Variants in STON2 observed in about 807,000 individuals in gnomAD.
STON2 encodes the protein stonin-2.
STON2 carries 29 observed loss-of-function variants against 65.7 expected under a neutral mutation model. The ratio of observed to expected loss-of-function variants is 0.44; its 90% CI spans 0.33 to 0.60. The LOEUF is 0.60. Among genes scored for constraint, STON2 ranks in the 20% least tolerant of loss-of-function variants. STON2 has a pLI of 0.03. For synonymous variants in STON2, 404 were observed against 414.2 expected (o/e 0.98, Z 0.30); for missense variants, 1,054 against 1,118.1 (o/e 0.94, Z 0.82).
At chr14:81,349,037 C>T (rs1371658118) in intron 4 of STON2, among the ~76,000 whole-genome samples, 5 of 152,074 alleles carry the variant, frequency 3.3e-5, no homozygotes, top group Non-Finnish European at 7.4e-5. Context: ...TGGATATCTA[C>T]ATGCAGAACA....
chr14:81,369,461 A>G (rs751728645), intron 4 of STON2, among the ~76,000 whole-genome samples: 1 of 152,198 alleles, frequency 6.6e-6, no homozygotes, highest in Admixed American at 6.5e-5. Flanking sequence ...AAACAGCCTC[A>G]GCATAGAAAT....
chr14:81,401,358 G>A, upstream of STON2, among the ~76,000 whole-genome samples: 1 of 152,148 alleles, frequency 6.6e-6, no homozygotes. Flanking sequence ...GACATGGGCT[G>A]GTGACAGACA....
intron 5 of STON2, among the ~76,000 whole-genome samples, chr14:81,293,909 GT>G (rs1479848727): frequency 1.3e-5 from 2 of 152,164 alleles, no homozygotes; most frequent in Non-Finnish European, 2.9e-5. Context: ...CAAATGGTGG[GT>G]TTTTTTCTTC....
In STON2 at chr14:81,276,859, CA is replaced by C. The variant is rs762363323; in HGVS notation, c.2581+41del. ...TGGAACTTTGATCTCAGCTTTTTCACAACTGTATGTTTGTTTTCACAGAAGA... is the reference window on the plus strand; with the variant it reads ...TGGAACTTTGATCTCAGCTTTTTCACACTGTATGTTTGTTTTCACAGAAGA... On this transcript the variant is annotated intron_variant, in intron 6 of 7. Transcript: ENST00000614646. 10 of 1,569,054 alleles carry C rather than the reference CA, an allele frequency of 6.4e-6. No homozygotes were observed. In the South Asian group the frequency reaches 1.2e-4, roughly 19 times the overall value.
chr14:81,345,737 G>A lies in STON2; in HGVS notation c.572-21550C>T, dbSNP rs142894267. On this transcript the variant is annotated intron_variant, in intron 4 of 7. Coordinates refer to ENST00000614646, the MANE Select transcript of STON2 (RefSeq NM_001394390.1). Reference sequence around the variant, plus strand: ...GATCATGCTGCTGCACTCTAGCCTGGGCGACAGAGCCAGACTTTGTCTCAA... The same window carrying A: ...GATCATGCTGCTGCACTCTAGCCTGAGCGACAGAGCCAGACTTTGTCTCAA... Among the ~76,000 whole-genome samples, 1,024 of 152,206 alleles carry A rather than the reference G, an allele frequency of 6.7e-3. 10 individuals carry two copies. The highest frequency in any genetic ancestry group is 0.023 in the African/African-American group (956 of 41,524).
At chr14:81,377,935 C>T (rs935057433) in intron 3 of STON2, among the ~76,000 whole-genome samples, 1 of 151,950 alleles carries the variant, frequency 6.6e-6, no homozygotes, top group Admixed American at 6.6e-5. Context: ...ACAACCTCCA[C>T]TTCCTGGGTT....
Position 81,265,852 on chromosome 14 carries a change from T to C in STON2, c.*2562A>G. 1.0e-6 allele frequency: 1 copy of C among 985,320 alleles called. No homozygotes were observed. Among genetic ancestry groups the C allele is most frequent in the Non-Finnish European group, 1.2e-6 (1 of 829,908 alleles). 61.0% of individuals were successfully genotyped at this position (985,320 alleles called of 1,614,324 possible). On this transcript the variant is annotated 3_prime_UTR_variant, in exon 8 of 8. Transcript: ENST00000614646. ...GCTCCAACAAGCAATCCACATGTTA[T>C]GCTAGCAGATGAGGCAGAGATCTTG...
chr14:81,378,425 G>A (rs747774258), intron 3 of STON2, among the ~76,000 whole-genome samples: 22 of 150,522 alleles, frequency 1.5e-4, no homozygotes, highest in African/African-American at 2.9e-4. Context: ...TATGTTTCCC[G>A]GGCTGGTCTC....
At chr14:81,400,478 C>A (rs1309038969), upstream of STON2, among the ~76,000 whole-genome samples, 158 of 96,680 alleles carry the variant, frequency 1.6e-3, no homozygotes, top group South Asian at 3.6e-3. Flanking sequence ...CAGCACCCGT[C>A]AAAAAAAAAA....
intron 4 of STON2, among the ~76,000 whole-genome samples, chr14:81,340,134 A>G (rs1047906200): frequency 3.3e-5 from 5 of 152,264 alleles, no homozygotes; most frequent in Admixed American, 2.0e-4. Flanking sequence ...AGCCTGGGCG[A>G]CAGAGCGAGA....
At chr14:81,384,640 T>G (rs1328254889) in intron 3 of STON2, among the ~76,000 whole-genome samples, 5 of 152,338 alleles carry the variant, frequency 3.3e-5, no homozygotes, top group South Asian at 2.1e-4. Context: ...TTTGGCTGTA[T>G]CCACAGTGTT....
Position 81,261,315 on chromosome 14 carries a change from G to A in STON2, c.*7099C>T, listed in dbSNP as rs1894133498. 6.6e-6 allele frequency: 1 copy of A among 152,392 alleles called. No individual in the cohort carries two copies. The highest frequency in any genetic ancestry group is 2.4e-5 in the African/African-American group (1 of 41,442). The allele number at this position is 152,392 out of a possible 1,614,324, so 9.4% of individuals were successfully genotyped here. On this transcript the variant is annotated 3_prime_UTR_variant, in exon 8 of 8. Transcript: ENST00000614646. ...CTAGACAGCATCCCCAACTAGAATT[G>A]AGGGTTTGATCTGTGGGGTAACACG...
chr14:81,401,519 C>T (rs535993596), upstream of STON2, among the ~76,000 whole-genome samples: 9 of 152,252 alleles, frequency 5.9e-5, no homozygotes, highest in African/African-American at 2.2e-4. Context: ...TTGAAAAGTG[C>T]TGTGCTAAGC....
chr14:81,285,036 T>G (rs1374520760), intron 5 of STON2, among the ~76,000 whole-genome samples: 1 of 152,200 alleles, frequency 6.6e-6, no homozygotes, highest in Non-Finnish European at 1.5e-5. Flanking sequence ...GCACTGACAA[T>G]GCACCTGGCC....
At chr14:81,393,808 T>C (rs116785566) in intron 3 of STON2, among the ~76,000 whole-genome samples, 1,782 of 152,304 alleles carry the variant, frequency 0.012, 37 homozygotes, top group African/African-American at 0.04. Context: ...TTCTCAGTGT[T>C]AGGTGTTCAG....
Position 81,370,652 on chromosome 14 carries a change from C to T in STON2, c.571+336G>A, listed in dbSNP as rs147909115. On this transcript the variant is annotated intron_variant, in intron 4 of 7. Transcript: ENST00000614646. ...ATGGGTAGTAGGATGAAAGATTCAG[C>T]CTTGTGCATATTTACACACGTTCAG... 2.4e-3 allele frequency among the ~76,000 whole-genome samples: 370 copies of T among 152,298 alleles called. 1 individual carries two copies. Among genetic ancestry groups the T allele is most frequent in the Non-Finnish European group, 4.1e-3 (276 of 68,034 alleles).
intron 4 of STON2, among the ~76,000 whole-genome samples, chr14:81,343,600 C>A (rs1340525401): frequency 6.6e-6 from 1 of 152,106 alleles, no homozygotes; most frequent in Non-Finnish European, 1.5e-5. Flanking sequence ...GAAAACTAGC[C>A]AAGGATATCA....
chr14:81,261,585 A>C lies in STON2; in HGVS notation c.*6829T>G, dbSNP rs919391812. ...TTTTCTCTCATCTGGTTTTGCCATA[A>C]CTTACAAATAGTCCCAGGATGTTTA... On this transcript the variant is annotated 3_prime_UTR_variant, in exon 8 of 8. Transcript: ENST00000614646. 8.4e-6 allele frequency: 4 copies of C among 473,952 alleles called. No homozygotes were observed. The highest frequency in any genetic ancestry group is 1.3e-5 in the Non-Finnish European group (4 of 296,460). The allele number at this position is 473,952 out of a possible 1,614,324, so 29.4% of individuals were successfully genotyped here. A position where few individuals can be genotyped will look rare whatever the true frequency, so the allele number is the denominator to read the frequency against.
At position 81,395,931 on chromosome 14, in the gene STON2, G is replaced by A. The variant is rs776868449; in HGVS notation, c.336C>T (p.Ala112=). Residue 112 remains alanine, a synonymous_variant, in exon 3 of 8, where the codon GCC becomes GCT. Coordinates refer to ENST00000614646, the MANE Select transcript of STON2 (RefSeq NM_001394390.1). ...TTTCCTGATGAGGTGGAGATGTGCT[G>A]GCCCAGGGTGTGTCATCTTCAAACT... is the stretch of plus-strand genomic sequence containing the variant. The part of the protein sequence containing the change: ...WVQFEDDTPW[A]STSPPHQETA... 9.3e-6 allele frequency: 15 copies of A among 1,613,962 alleles called. No homozygotes were observed. The Admixed American group carries it at 2.5e-4, about 27-fold the overall frequency.
Sources: allele counts gnomAD v4.1 joint callset (sites outside exome capture counted in the v4.1 genomes callset), GRCh38; gene constraint gnomAD v4.1.1; transcripts MANE v1.5; gene names NCBI Gene and HGNC (gene_info 2026-07-23, HGNC 2026-07-21).